Variants in TMEM108 observed in about 807,000 individuals in gnomAD.
TMEM108 encodes transmembrane protein 108.
Under a neutral mutation model 35.1 loss-of-function variants are expected in TMEM108, and 12 were observed. That is an observed-to-expected ratio of 0.34 (90% CI 0.22 to 0.55). The LOEUF (loss-of-function observed/expected upper bound fraction) is 0.55. Ranked by LOEUF, TMEM108 falls within the 20% of genes least tolerant of loss-of-function variation. The pLI is 0.89. For missense variants in TMEM108, 680 were observed against 753.3 expected (o/e 0.90, Z 1.14); for synonymous variants, 287 against 308.6 (o/e 0.93, Z 0.73).
At chr3:133,111,511 C>G (rs1347519916) in intron 2 of TMEM108, among the ~76,000 whole-genome samples, 1 of 151,762 alleles carries the variant, frequency 6.6e-6, no homozygotes, top group African/African-American at 2.4e-5. Flanking sequence ...GTATGGAGGC[C>G]CATTTTCCAA....
chr3:133,291,982 G>A (rs115318233), intron 3 of TMEM108, among the ~76,000 whole-genome samples: 47 of 152,246 alleles, frequency 3.1e-4, no homozygotes, highest in African/African-American at 1.1e-3. Context: ...AACCCTGACT[G>A]CACATCTGAA....
chr3:133,324,504 A>T (rs2071305743), intron 3 of TMEM108, among the ~76,000 whole-genome samples: 1 of 152,224 alleles, frequency 6.6e-6, no homozygotes, highest in African/African-American at 2.4e-5. Flanking sequence ...GCTATAATTT[A>T]AAAAATCAAT....
intron 2 of TMEM108, among the ~76,000 whole-genome samples, chr3:133,059,900 A>G (rs1033703371): frequency 1.3e-5 from 2 of 152,238 alleles, no homozygotes; most frequent in African/African-American, 4.8e-5. Context: ...ACCAAGCATG[A>G]GAGTCCATTC....
chr3:133,188,712 G>C (rs969181694), intron 2 of TMEM108, among the ~76,000 whole-genome samples: 2 of 152,146 alleles, frequency 1.3e-5, no homozygotes, highest in Non-Finnish European at 2.9e-5. Flanking sequence ...TTTTAGACAG[G>C]CTGAGTAATG....
At chr3:133,102,157 C>T (rs1944097096) in intron 2 of TMEM108, among the ~76,000 whole-genome samples, 1 of 152,216 alleles carries the variant, frequency 6.6e-6, no homozygotes, top group Non-Finnish European at 1.5e-5. Flanking sequence ...TGCCCCTCAA[C>T]TGGGAAAGCA....
chr3:133,251,365 G>A (rs576133384), intron 3 of TMEM108, among the ~76,000 whole-genome samples: 1 of 152,192 alleles, frequency 6.6e-6, no homozygotes, highest in African/African-American at 2.4e-5. Flanking sequence ...CACTGCAGAG[G>A]TTATAATATG....
chr3:133,311,005 A>G lies in TMEM108; in HGVS notation c.41-68747A>G, dbSNP rs140005537. 2.8e-3 allele frequency among the ~76,000 whole-genome samples: 429 copies of G among 152,290 alleles called. 3 individuals carry two copies. The highest frequency in any genetic ancestry group is 0.01 in the African/African-American group (417 of 41,576). The stretch of plus-strand genomic sequence containing the variant: ...GAAGCTTAGTTTGGCTGGATATGAA[A>G]TCCTGGGTTGAAAATTCTTTTCTGT... On this transcript the variant is annotated intron_variant, in intron 3 of 5. Transcript: ENST00000321871.
At chr3:133,297,971 A>C (rs904282727) in intron 3 of TMEM108, among the ~76,000 whole-genome samples, 6 of 152,146 alleles carry the variant, frequency 3.9e-5, no homozygotes, top group African/African-American at 1.4e-4. Flanking sequence ...TCCCTGACAA[A>C]TGAGAGTAAT....
intron 2 of TMEM108, among the ~76,000 whole-genome samples, chr3:133,053,913 T>C (rs1943434941): frequency 6.6e-6 from 1 of 152,200 alleles, no homozygotes; most frequent in Admixed American, 6.5e-5. Context: ...AGGAGTATGA[T>C]AGGTTTTGTA....
At chr3:133,207,058 G>C (rs1476188917) in intron 2 of TMEM108, among the ~76,000 whole-genome samples, 2 of 152,212 alleles carry the variant, frequency 1.3e-5, no homozygotes, top group Non-Finnish European at 2.9e-5. Context: ...GAGCTGTGGT[G>C]GGGCTCTGCC....
At chr3:133,195,885 T>C (rs949137123) in intron 2 of TMEM108, among the ~76,000 whole-genome samples, 2 of 152,216 alleles carry the variant, frequency 1.3e-5, no homozygotes, top group Admixed American at 1.3e-4. Context: ...TTTGCTGTGG[T>C]CTTCTCTTTA....
chr3:133,104,721 G>C (rs1434054676), intron 2 of TMEM108, among the ~76,000 whole-genome samples: 4 of 152,158 alleles, frequency 2.6e-5, no homozygotes, highest in Non-Finnish European at 5.9e-5. Flanking sequence ...CCTAATCACT[G>C]ACATTTTGGG....
intron 2 of TMEM108, among the ~76,000 whole-genome samples, chr3:133,089,850 T>C (rs528241732): frequency 1.3e-5 from 2 of 152,350 alleles, no homozygotes; most frequent in Admixed American, 1.3e-4. Flanking sequence ...TTGCTGGCTG[T>C]ATATCAGCAT....
intron 3 of TMEM108, among the ~76,000 whole-genome samples, chr3:133,280,338 C>T (rs913119901): frequency 6.6e-6 from 1 of 152,174 alleles, no homozygotes; most frequent in Non-Finnish European, 1.5e-5. Context: ...TGTCTTACTA[C>T]CCTAGCATTG....
intron 2 of TMEM108, among the ~76,000 whole-genome samples, chr3:133,181,038 A>AAAAC (rs869218859): frequency 3.2e-5 from 4 of 126,444 alleles, no homozygotes; most frequent in African/African-American, 1.1e-4. Flanking sequence ...AAAAAAAAAA[A>AAAAC]CAGCACTCCC....
chr3:133,065,033 A>G (rs1943578799), intron 2 of TMEM108, among the ~76,000 whole-genome samples: 1 of 152,188 alleles, frequency 6.6e-6, no homozygotes, highest in Admixed American at 6.5e-5. Flanking sequence ...GTAAACTTTT[A>G]CAAGGCACAA....
In TMEM108 at chr3:133,346,395, T is replaced by G. The variant is rs1241077598; in HGVS notation, c.41-33357T>G. On this transcript the variant is annotated intron_variant, in intron 3 of 5. Coordinates refer to ENST00000321871, the MANE Select transcript of TMEM108 (RefSeq NM_023943.4). The surrounding 1 kb of genome is among the most constrained non-coding windows in gnomAD (Gnocchi z 4.0). Reference sequence around the variant, plus strand: ...AGTGGTATCCCATTGTTGTTTTAATTGACAGTTCTCTAATGACATATGACA... The same window carrying G: ...AGTGGTATCCCATTGTTGTTTTAATGGACAGTTCTCTAATGACATATGACA... 1.3e-5 allele frequency among the ~76,000 whole-genome samples: 2 copies of G among 152,066 alleles called. No individual in the cohort carries two copies. The highest frequency in any genetic ancestry group is 2.9e-5 in the Non-Finnish European group (2 of 67,942).
intron 3 of TMEM108, among the ~76,000 whole-genome samples, chr3:133,251,497 G>T: frequency 6.6e-6 from 1 of 152,108 alleles, no homozygotes; most frequent in East Asian, 1.9e-4. Flanking sequence ...AGAAAAGTTT[G>T]TTTCCCACTC....
chr3:133,311,896 G>T (rs2071133307), intron 3 of TMEM108, among the ~76,000 whole-genome samples: 1 of 152,174 alleles, frequency 6.6e-6, no homozygotes, highest in South Asian at 2.1e-4. Context: ...TGGGGTTTTG[G>T]TGTGGATGTC....
Sources: gnomAD v4.1 joint callset for allele counts (sites outside exome capture counted in the v4.1 genomes callset) on GRCh38, gnomAD v4.1.1 for gene constraint, Gnocchi (gnomAD v3.1) non-coding constraint, MANE v1.5 for transcripts, NCBI Gene and HGNC (gene_info 2026-07-23, HGNC 2026-07-21) for gene names.